CGNL1: variants seen among roughly 807,000 people sequenced by gnomAD.
The protein encoded by CGNL1 is cingulin like 1, also known as cingulin-like protein 1.
Under a neutral mutation model 141.2 loss-of-function variants are expected in CGNL1, and 132 were observed. That is an observed-to-expected ratio of 0.93 (90% CI 0.81 to 1.08). CGNL1 has a LOEUF of 1.08. CGNL1 is among the 50% of genes least tolerant of loss of function. The pLI is 0.00. For missense variants in CGNL1, 1,870 were observed against 1,588.6 expected (o/e 1.18, Z -3.01); for synonymous variants, 690 against 622.1 (o/e 1.11, Z -1.63).
chr15:57,392,758 A>G (rs1440643087), intron 1 of CGNL1, among the ~76,000 whole-genome samples: 1 of 152,242 alleles, frequency 6.6e-6, no homozygotes, highest in East Asian at 1.9e-4. Flanking sequence ...ATCTCATGTT[A>G]ACTGTGTTAA....
intron 14 of CGNL1, among the ~76,000 whole-genome samples, chr15:57,539,205 G>C (rs1205588381): frequency 6.6e-6 from 1 of 152,088 alleles, no homozygotes; most frequent in Non-Finnish European, 1.5e-5. Flanking sequence ...CTCTCTACAA[G>C]CCTTCAGTTT....
chr15:57,411,659 G>C (rs1269247365), intron 1 of CGNL1, among the ~76,000 whole-genome samples: 1 of 151,826 alleles, frequency 6.6e-6, no homozygotes, highest in East Asian at 1.9e-4. Context: ...TGGCCAGGCT[G>C]GTCTCCAACT....
At chr15:57,391,455 A>T (rs2062542112) in intron 1 of CGNL1, among the ~76,000 whole-genome samples, 3 of 152,194 alleles carry the variant, frequency 2.0e-5, no homozygotes, top group Non-Finnish European at 2.9e-5. Context: ...ATAGATGGGG[A>T]CCAAAACCTT....
intron 14 of CGNL1, among the ~76,000 whole-genome samples, chr15:57,535,453 G>A (rs1365283982): frequency 6.6e-6 from 1 of 152,176 alleles, no homozygotes; most frequent in East Asian, 1.9e-4. Flanking sequence ...ACTGGAAAGA[G>A]GGTGGGGACC....
chr15:57,412,835 C>T (rs1287461326), intron 1 of CGNL1, among the ~76,000 whole-genome samples: 2 of 152,190 alleles, frequency 1.3e-5, no homozygotes, highest in African/African-American at 2.4e-5. Flanking sequence ...TCCTTCTGTA[C>T]CCAGTGCCAT....
At chr15:57,517,996 TAAAA>T (rs61279417) in intron 9 of CGNL1, among the ~76,000 whole-genome samples, 3 of 147,276 alleles carry the variant, frequency 2.0e-5, no homozygotes, top group Non-Finnish European at 1.5e-5. Context: ...ATATTTCTAT[TAAAA>T]AAAAAAAAAA....
chr15:57,458,810 ATC>A (rs2152330192), intron 7 of CGNL1, among the ~76,000 whole-genome samples: 1 of 152,238 alleles, frequency 6.6e-6, no homozygotes, highest in South Asian at 2.1e-4. Flanking sequence ...ATTTCATAAG[ATC>A]TCTGTGTTTG....
In CGNL1 at chr15:57,452,298, T is replaced by C. The variant is rs79591664; in HGVS notation, c.2054+9T>C. 5,337 of 1,611,386 alleles carry C rather than the reference T, an allele frequency of 3.3e-3. 155 individuals carry two copies. In the African/African-American group the frequency reaches 0.062, roughly 19 times the overall value. ...CGGAAGAATCTGGAGGAGTAAGTTC[T>C]GGGCTGAGAGCCTGTTGCCCTTCCC... On this transcript the variant is annotated intron_variant, in intron 6 of 18. Transcript: ENST00000281282.
rs748553704 is a variant in CGNL1, at chr15:57,545,665, G to A, written c.3574G>A (p.Asp1192Asn). The part of the protein sequence containing the change: ...KVKELVMQVD[D>N]EHLSLTDQKD... ...GAAGGAGCTGGTGATGCAGGTGGAT[G>A]ATGAGCACCTGTCATTGACTGATCA... is the stretch of plus-strand genomic sequence containing the variant. Residue 1192 changes from aspartate to asparagine, a missense_variant, in exon 17 of 19, where the codon GAT becomes AAT. Coordinates refer to ENST00000281282, the MANE Select transcript of CGNL1 (RefSeq NM_032866.5). 6.2e-7 allele frequency: 1 copy of A among 1,613,608 alleles called. No individual in the cohort carries two copies.
intron 1 of CGNL1, among the ~76,000 whole-genome samples, chr15:57,414,272 G>A (rs1002363568): frequency 2.6e-5 from 4 of 152,186 alleles, no homozygotes; most frequent in African/African-American, 4.8e-5. Flanking sequence ...GAAGGCAGAC[G>A]GGGCTGGCCG....
At chr15:57,384,651 G>C (rs1371480384) in intron 1 of CGNL1, among the ~76,000 whole-genome samples, 2 of 149,546 alleles carry the variant, frequency 1.3e-5, no homozygotes, top group African/African-American at 5.0e-5. Context: ...TTGTTTATGT[G>C]TCTGAATTCC....
Position 57,516,845 on chromosome 15 carries a change from CG to C in CGNL1, c.2470del (p.Val824Ter). On this transcript the variant is annotated frameshift_variant, in exon 9 of 19. Transcript: ENST00000281282. LOFTEE classifies it high-confidence loss of function. ...EQDQAGTEMRVKLLQEENEKL... is the reference protein window; with the variant it reads ...EQDQAGTEMRXKLLQEENEKL... ...AAGACCAGGCGGGGACTGAAATGCG[CG>C]TGAAGCTTCTGCAGGAGGAGAATGA... 6.2e-7 allele frequency: 1 copy of C among 1,614,088 alleles called. No homozygotes were observed. The highest frequency in any genetic ancestry group is 8.5e-7 in the Non-Finnish European group (1 of 1,180,010).
intron 15 of CGNL1, 78 bp downstream of exon 15, chr15:57,543,857 C>A: frequency 1.9e-6 from 2 of 1,065,172 alleles, no homozygotes; most frequent in Non-Finnish European, 1.4e-6. Context: ...GAACTAGAAG[C>A]CCTTGGAGGT....
intron 1 of CGNL1, among the ~76,000 whole-genome samples, chr15:57,404,415 A>G (rs2062693053): frequency 1.3e-5 from 2 of 152,262 alleles, no homozygotes; most frequent in South Asian, 2.1e-4. Context: ...AATAAATCCA[A>G]TGAACCTGTC....
In CGNL1 at chr15:57,524,569, C is replaced by A; in HGVS notation, c.2869-12C>A. 6.2e-7 allele frequency: 1 copy of A among 1,609,136 alleles called. No individual in the cohort carries two copies. Among genetic ancestry groups the A allele is most frequent in the East Asian group, 2.2e-5 (1 of 44,822 alleles). ...TCCCAGGGTGGGCTCACACCCGTGTCACTTCTTCTAGATGGCAGACATTGT... is the reference window on the plus strand; with the variant it reads ...TCCCAGGGTGGGCTCACACCCGTGTAACTTCTTCTAGATGGCAGACATTGT... On this transcript the variant is annotated splice_polypyrimidine_tract_variant and intron_variant, in intron 11 of 18. Coordinates refer to ENST00000281282, the MANE Select transcript of CGNL1 (RefSeq NM_032866.5).
At chr15:57,447,732 G>A (rs1285378919) in intron 4 of CGNL1, among the ~76,000 whole-genome samples, 1 of 151,796 alleles carries the variant, frequency 6.6e-6, no homozygotes, top group East Asian at 1.9e-4. Flanking sequence ...GCTCTTCTCA[G>A]ACTCCAATTA....
At chr15:57,497,358 G>C (rs1245700385) in intron 8 of CGNL1, among the ~76,000 whole-genome samples, 1 of 151,896 alleles carries the variant, frequency 6.6e-6, no homozygotes, top group Non-Finnish European at 1.5e-5. Context: ...AGTGGGAACT[G>C]GGGGCAGGTA....
intron 1 of CGNL1, among the ~76,000 whole-genome samples, chr15:57,420,365 C>G (rs2062900289): frequency 6.6e-6 from 1 of 152,092 alleles, no homozygotes; most frequent in Admixed American, 6.6e-5. Flanking sequence ...TATAAATATT[C>G]CTATATGTAA....
At chr15:57,459,293 T>C (rs1181219652) in intron 7 of CGNL1, among the ~76,000 whole-genome samples, 1 of 152,174 alleles carries the variant, frequency 6.6e-6, no homozygotes, top group East Asian at 1.9e-4. Context: ...TATTAATCTA[T>C]GCATCAAAAA....
Sources: allele counts gnomAD v4.1 joint callset (sites outside exome capture counted in the v4.1 genomes callset), GRCh38; gene constraint gnomAD v4.1.1; transcripts MANE v1.5; gene names NCBI Gene and HGNC (gene_info 2026-07-23, HGNC 2026-07-21).